Variants in DOCK4 observed in about 807,000 individuals in gnomAD.
The protein encoded by DOCK4 is dedicator of cytokinesis 4, also known as dedicator of cytokinesis protein 4.
In DOCK4, 97 loss-of-function variants were observed where a neutral mutation model predicts 268.1. The ratio of observed to expected loss-of-function variants is 0.36; its 90% CI spans 0.31 to 0.43. The LOEUF (loss-of-function observed/expected upper bound fraction) is 0.43. DOCK4 is among the 20% of genes least tolerant of loss of function. DOCK4 has a pLI of 1.00. For synonymous variants in DOCK4, 954 were observed against 887.2 expected (o/e 1.08, Z -1.34); for missense variants, 2,145 against 2,455.7 (o/e 0.87, Z 2.67).
chr7:111,766,837 C>T lies in DOCK4; in HGVS notation c.3915+195G>A, dbSNP rs527396416. On this transcript the variant is annotated intron_variant, in intron 38 of 52. Coordinates refer to ENST00000428084, the MANE Select transcript of DOCK4 (RefSeq NM_001363540.2). ...TGGTATTTAAAACAGATCAAGTGCT[C>T]ACTTTTTTATATTAAATAAAAGCAT... is the stretch of plus-strand genomic sequence containing the variant. 7.2e-5 allele frequency among the ~76,000 whole-genome samples: 11 copies of T among 152,294 alleles called. No homozygotes were observed. The South Asian group carries it at 2.3e-3, about 32-fold the overall frequency.
chr7:112,194,067 T>C (rs547527381), intron 1 of DOCK4, among the ~76,000 whole-genome samples: 3 of 152,202 alleles, frequency 2.0e-5, no homozygotes, highest in African/African-American at 4.8e-5. Context: ...TATATATCCA[T>C]ATTGGGAGTT....
At chr7:111,755,946 T>C (rs1796989689) in intron 41 of DOCK4, among the ~76,000 whole-genome samples, 1 of 152,168 alleles carries the variant, frequency 6.6e-6, no homozygotes, top group Admixed American at 6.5e-5. Context: ...ACCACTTATA[T>C]CCAGAAGGGT....
chr7:111,998,328 C>T, intron 4 of DOCK4, 120 bp downstream of exon 4: 1 of 775,906 alleles, frequency 1.3e-6, no homozygotes, highest in Non-Finnish European at 2.0e-6. Context: ...ACAAAGAACA[C>T]AGACAATGGT....
intron 42 of DOCK4, among the ~76,000 whole-genome samples, chr7:111,752,330 T>G (rs1202268187): frequency 6.6e-6 from 1 of 151,980 alleles, no homozygotes; most frequent in African/African-American, 2.4e-5. Context: ...ACTACAGGGA[T>G]AAGGGGGAAA....
intron 50 of DOCK4, among the ~76,000 whole-genome samples, chr7:111,736,566 G>T (rs147707094): frequency 6.6e-6 from 1 of 152,124 alleles, no homozygotes; most frequent in African/African-American, 2.4e-5. Context: ...TGGGACCACC[G>T]AATCGATCCG....
At position 111,728,349 on chromosome 7, in the gene DOCK4, G is replaced by A. The variant is rs765390580; in HGVS notation, c.5853C>T (p.His1951=). The A allele has an allele frequency of 6.6e-7, 1 of 1,521,566 alleles. No homozygotes were observed. The highest frequency in any genetic ancestry group is 8.8e-7 in the Non-Finnish European group (1 of 1,137,182). The allele number at this position is 1,521,566 out of a possible 1,614,324, so 94.3% of individuals were successfully genotyped here. Residue 1951 remains histidine, a synonymous_variant, in exon 53 of 53, where the codon CAC becomes CAT. Transcript: ENST00000428084. ...CAGTCCTCCGGGCCCCATTCTCCAG[G>A]TGGCTGGATCGCGCTGCCAGAGGCT... The part of the protein sequence containing the change: ...PPKPLAARSS[H]LENGARRTDP...
At chr7:111,993,661 G>A (rs190467492) in intron 5 of DOCK4, among the ~76,000 whole-genome samples, 1 of 152,092 alleles carries the variant, frequency 6.6e-6, no homozygotes, top group Non-Finnish European at 1.5e-5. Context: ...TATATACTAC[G>A]TATCTGCAAA....
intron 12 of DOCK4, among the ~76,000 whole-genome samples, chr7:111,922,533 T>C (rs1269531461): frequency 6.6e-6 from 1 of 151,960 alleles, no homozygotes; most frequent in Non-Finnish European, 1.5e-5. Flanking sequence ...TACCCTGACA[T>C]TTACTATTCT....
At position 111,877,096 on chromosome 7, in the gene DOCK4, T is replaced by C. The variant is rs199969286; in HGVS notation, c.1678A>G (p.Met560Val). ...GIFLGNNNQA[M>V]KATKESFCIT... ...CAAAAGGACTCCTTTGTGGCCTTCA[T>C]GGCTTGATTATTATTCCCAAGGAAA... Residue 560 changes from methionine to valine, a missense_variant, in exon 17 of 53, where the codon ATG becomes GTG. By Grantham distance (21) the Met-to-Val change is conservative. Transcript: ENST00000428084. The C allele has an allele frequency of 6.3e-6, 10 of 1,594,504 alleles. No individual in the cohort carries two copies. The highest frequency in any genetic ancestry group is 5.3e-5 in the Admixed American group (3 of 56,688).
chr7:111,731,026 G>C (rs1795048425), intron 52 of DOCK4, among the ~76,000 whole-genome samples: 1 of 152,120 alleles, frequency 6.6e-6, no homozygotes, highest in South Asian at 2.1e-4. Flanking sequence ...GTGTGAGTAA[G>C]GGCAAATGTA....
chr7:111,992,019 G>A (rs925075641), intron 5 of DOCK4, among the ~76,000 whole-genome samples: 37 of 143,422 alleles, frequency 2.6e-4, no homozygotes, highest in Middle Eastern at 3.7e-3. Flanking sequence ...AAAAAGAGAT[G>A]TAAAATGTCC....
intron 16 of DOCK4, among the ~76,000 whole-genome samples, chr7:111,885,205 G>A (rs972449043): frequency 6.6e-6 from 1 of 152,156 alleles, no homozygotes; most frequent in Non-Finnish European, 1.5e-5. Flanking sequence ...AGCAATACAG[G>A]CTCAACAGCA....
intron 11 of DOCK4, among the ~76,000 whole-genome samples, chr7:111,937,861 T>A (rs1293281976): frequency 6.6e-6 from 1 of 152,232 alleles, no homozygotes; most frequent in African/African-American, 2.4e-5. Flanking sequence ...CGTTCCCCTA[T>A]GAGTAAAACT....
At chr7:111,944,970 C>T in intron 9 of DOCK4, 99 bp from the exon 10 acceptor site, 3 of 913,346 alleles carry the variant, frequency 3.3e-6, no homozygotes, top group Non-Finnish European at 5.4e-6. Flanking sequence ...GAGATGGACA[C>T]AGACATTCTT....
chr7:111,976,087 G>A (rs1466913999), intron 8 of DOCK4, among the ~76,000 whole-genome samples: 1 of 131,222 alleles, frequency 7.6e-6, no homozygotes, highest in African/African-American at 2.9e-5. Context: ...GTTACAGTGA[G>A]CCAAGACCAC....
At chr7:111,739,977 G>T in intron 47 of DOCK4, 1 of 300,394 alleles carries the variant, frequency 3.3e-6, no homozygotes, top group Non-Finnish European at 6.7e-6. Flanking sequence ...TTGCTTGCAG[G>T]AGTTATACTG....
At chr7:112,102,133 G>A (rs141522135) in intron 1 of DOCK4, among the ~76,000 whole-genome samples, 160 of 152,230 alleles carry the variant, frequency 1.1e-3, no homozygotes, top group African/African-American at 3.4e-3. Context: ...GACCTCCCTC[G>A]GTTCTTGCTA....
intron 1 of DOCK4, among the ~76,000 whole-genome samples, chr7:112,052,472 C>T (rs1457443452): frequency 1.3e-5 from 2 of 151,998 alleles, no homozygotes; most frequent in African/African-American, 4.8e-5. Flanking sequence ...CCCCTCACTT[C>T]GGGCATATAA....
intron 1 of DOCK4, among the ~76,000 whole-genome samples, chr7:112,113,108 C>A (rs1407015102): frequency 6.6e-6 from 1 of 152,168 alleles, no homozygotes; most frequent in Non-Finnish European, 1.5e-5. Flanking sequence ...CAAATTAGGT[C>A]AGAGGCTATG....
Sources: gnomAD v4.1 joint callset for allele counts (sites outside exome capture counted in the v4.1 genomes callset) on GRCh38, gnomAD v4.1.1 for gene constraint, MANE v1.5 for transcripts, NCBI Gene and HGNC (gene_info 2026-07-23, HGNC 2026-07-21) for gene names.